The following SAMSN1 variants were observed in gnomAD, a reference collection of about 807,000 sequenced individuals.
SAMSN1 encodes SAM domain, SH3 domain and nuclear localization signals 1.
SAMSN1 carries 31 observed loss-of-function variants against 42.0 expected under a neutral mutation model. The observed-to-expected ratio is 0.74, with a 90% CI of 0.55 to 1.00. SAMSN1 has a LOEUF of 1.00. SAMSN1 is among the 50% of genes least tolerant of loss of function. The probability of loss-of-function intolerance (pLI) is 0.00; values close to 1 mark genes in which losing one functional copy is unlikely to be tolerated. For synonymous variants in SAMSN1, 178 were observed against 151.9 expected (o/e 1.17, Z -1.26); for missense variants, 464 against 439.4 (o/e 1.06, Z -0.50).
chr21:14,591,649 G>A (rs1230299301), intron 7 of SAMSN1, among the ~76,000 whole-genome samples: 1 of 152,150 alleles, frequency 6.6e-6, no homozygotes, highest in Non-Finnish European at 1.5e-5. Flanking sequence ...ATTGCATAAG[G>A]TGAGAGTAGG....
upstream of SAMSN1, chr21:14,585,218 T>C (rs1004085560): frequency 5.3e-5 from 8 of 152,210 alleles, no homozygotes; most frequent in African/African-American, 1.2e-4. Flanking sequence ...TAGTGCTTTC[T>C]GAGTTACTTG....
intron 1 of SAMSN1, among the ~76,000 whole-genome samples, chr21:14,525,730 G>A (rs908685987): frequency 6.6e-6 from 1 of 152,112 alleles, no homozygotes; most frequent in Admixed American, 6.5e-5. Context: ...GTGGCTATAT[G>A]GGGGTAGATT....
chr21:14,649,776 C>CACACACAT (rs1555847355), intron 1 of SAMSN1, among the ~76,000 whole-genome samples: 9,863 of 132,342 alleles, frequency 0.075, 396 homozygotes, highest in Admixed American at 0.17. Context: ...TCTCAAAACA[C>CACACACAT]ACACACACAC....
In SAMSN1 at chr21:14,512,588, T is replaced by G. The variant is rs1437500196; in HGVS notation, c.280-15A>C. 1.9e-6 allele frequency: 3 copies of G among 1,613,302 alleles called. No homozygotes were observed. In the Admixed American group the frequency reaches 5.0e-5, roughly 27 times the overall value. Reference sequence around the variant, plus strand: ...TCTTCCTCATCCTTCAGAAAACATATCAGAGGTTAGGTACAGAGAGAAGAT... The same window carrying G: ...TCTTCCTCATCCTTCAGAAAACATAGCAGAGGTTAGGTACAGAGAGAAGAT... On this transcript the variant is annotated splice_polypyrimidine_tract_variant and intron_variant, in intron 3 of 7. Coordinates refer to ENST00000400566, the MANE Select transcript of SAMSN1 (RefSeq NM_022136.5).
In SAMSN1 at chr21:14,498,479, C is replaced by A; in HGVS notation, c.882G>T (p.Arg294Ser). 2 of 1,610,882 alleles carry A rather than the reference C, an allele frequency of 1.2e-6. No homozygotes were observed. Among genetic ancestry groups the A allele is most frequent in the South Asian group, 1.1e-5 (1 of 90,314 alleles). The part of the protein sequence containing the change: ...LNIENPDDRR[R>S]LLSAAENFLE... ...GGAAGTTTTCAGCAGCTGATAGTAA[C>A]CTTCTTCTGTCATCTGGGTTTTCAA... Residue 294 changes from arginine to serine, a missense_variant, in exon 7 of 8, where the codon AGG (arginine) becomes AGT (serine). Arg to Ser is a moderately radical substitution (Grantham distance 110). Coordinates refer to ENST00000400566, the MANE Select transcript of SAMSN1 (RefSeq NM_022136.5).
intron 3 of SAMSN1, 75 bp downstream of exon 3, chr21:14,516,817 C>A: frequency 1.6e-6 from 2 of 1,222,906 alleles, no homozygotes; most frequent in Non-Finnish European, 1.1e-6. Context: ...AAGTACCAAG[C>A]ACTTCTATAG....
chr21:14,609,383 T>G, intron 5 of SAMSN1: 1 of 692,348 alleles, frequency 1.4e-6, no homozygotes, highest in Non-Finnish European at 2.7e-6. Context: ...ACCATAATGG[T>G]CTGCTTATTT....
chr21:14,511,704 A>G (rs1179593401), intron 4 of SAMSN1, among the ~76,000 whole-genome samples: 1 of 152,236 alleles, frequency 6.6e-6, no homozygotes, highest in Non-Finnish European at 1.5e-5. Context: ...AAAAAGTCAT[A>G]AGGCACCCTG....
chr21:14,575,114 G>A (rs1180421754), intron 2 of SAMSN1, among the ~76,000 whole-genome samples: 1 of 152,086 alleles, frequency 6.6e-6, no homozygotes, highest in Non-Finnish European at 1.5e-5. Context: ...AGACTGGATG[G>A]CTTAGGAGGC....
intron 7 of SAMSN1, among the ~76,000 whole-genome samples, chr21:14,494,315 G>T (rs1986818166): frequency 6.6e-6 from 1 of 152,112 alleles, no homozygotes; most frequent in African/African-American, 2.4e-5. Flanking sequence ...CAACCCTAAT[G>T]CCCATCAATG....
chr21:14,654,108 G>A (rs1278675817), intron 1 of SAMSN1, among the ~76,000 whole-genome samples: 1 of 151,906 alleles, frequency 6.6e-6, no homozygotes, highest in African/African-American at 2.4e-5. Flanking sequence ...TAATCAAATT[G>A]ACTTTTTTAA....
intron 7 of SAMSN1, among the ~76,000 whole-genome samples, chr21:14,493,993 A>G (rs376635): frequency 0.43 from 65,447 of 152,010 alleles, 14,318 homozygotes; most frequent in Non-Finnish European, 0.47. Context: ...TTTACTTCCC[A>G]CCAAGCAGTG....
chr21:14,538,117 T>TTTTTG (rs1199255843), intron 1 of SAMSN1, among the ~76,000 whole-genome samples: 2 of 152,202 alleles, frequency 1.3e-5, no homozygotes, highest in African/African-American at 2.4e-5. Flanking sequence ...GATATCTGGT[T>TTTTTG]TTTTGTTTTG....
At chr21:14,594,817 T>TA (rs1164799292) in intron 6 of SAMSN1, 2 of 152,200 alleles carry the variant, frequency 1.3e-5, no homozygotes, top group Admixed American at 6.5e-5. Flanking sequence ...CACAATATGA[T>TA]AGTGTATTAG....
intron 1 of SAMSN1, among the ~76,000 whole-genome samples, chr21:14,644,787 C>T (rs1403210520): frequency 1.3e-5 from 2 of 152,020 alleles, no homozygotes; most frequent in Non-Finnish European, 2.9e-5. Flanking sequence ...AGAGGGGAGT[C>T]CAGTGCCCTG....
chr21:14,549,347 C>G (rs1238490665), upstream of SAMSN1, among the ~76,000 whole-genome samples: 1 of 152,122 alleles, frequency 6.6e-6, no homozygotes, highest in Non-Finnish European at 1.5e-5. Flanking sequence ...TCCTACTCTA[C>G]ATTTTATTTT....
intron 2 of SAMSN1, among the ~76,000 whole-genome samples, chr21:14,639,112 T>G (rs1037631871): frequency 6.6e-6 from 1 of 152,200 alleles, no homozygotes; most frequent in African/African-American, 2.4e-5. Flanking sequence ...AGTGGAAAAT[T>G]GACAATTATT....
intron 3 of SAMSN1, among the ~76,000 whole-genome samples, chr21:14,513,401 C>T (rs1568778509): frequency 6.6e-6 from 1 of 152,132 alleles, no homozygotes; most frequent in Non-Finnish European, 1.5e-5. Flanking sequence ...TTTTATAGAA[C>T]ACCTCCTAGG....
At chr21:14,589,257 A>G (rs1982011382) in intron 7 of SAMSN1, among the ~76,000 whole-genome samples, 1 of 152,138 alleles carries the variant, frequency 6.6e-6, no homozygotes, top group Admixed American at 6.5e-5. Flanking sequence ...AAAAATGAGA[A>G]AACTCAGAGA....
Sources: gnomAD v4.1 joint callset for allele counts (sites outside exome capture counted in the v4.1 genomes callset) on GRCh38, gnomAD v4.1.1 for gene constraint, MANE v1.5 for transcripts, NCBI Gene and HGNC (gene_info 2026-07-23, HGNC 2026-07-21) for gene names.